NCOR1: variants seen among roughly 807,000 people sequenced by gnomAD.
NCOR1 encodes the protein nuclear receptor corepressor 1.
In NCOR1, 63 loss-of-function variants were observed where a neutral mutation model predicts 288.1. The observed-to-expected ratio is 0.22, with a 90% CI of 0.18 to 0.27. NCOR1 has a LOEUF of 0.27. Among genes scored for constraint, NCOR1 ranks in the 10% least tolerant of loss-of-function variants. NCOR1 has a pLI of 1.00. For missense variants in NCOR1, 2,397 were observed against 3,019.2 expected (o/e 0.79, Z 4.83); for synonymous variants, 1,007 against 1,065.9 (o/e 0.94, Z 1.08).
At chr17:16,188,366 C>T (rs946915449) in intron 2 of NCOR1, among the ~76,000 whole-genome samples, 2 of 152,164 alleles carry the variant, frequency 1.3e-5, no homozygotes, top group African/African-American at 4.8e-5. Context: ...AATCCCAGCA[C>T]TTTGGGAGGC....
At chr17:16,107,218 C>T (rs1482920321) in intron 19 of NCOR1, among the ~76,000 whole-genome samples, 4 of 151,902 alleles carry the variant, frequency 2.6e-5, no homozygotes, top group Admixed American at 6.6e-5. Flanking sequence ...TAATACCAGA[C>T]TTGGGCTTTG....
intron 19 of NCOR1, among the ~76,000 whole-genome samples, chr17:16,103,042 T>C (rs1299455714): frequency 6.6e-6 from 1 of 152,236 alleles, no homozygotes; most frequent in African/African-American, 2.4e-5. Flanking sequence ...ATCGTTTATA[T>C]TGTTCTATAA....
intron 27 of NCOR1, 86 bp downstream of exon 27, chr17:16,075,448 C>G: frequency 2.1e-6 from 3 of 1,439,154 alleles, no homozygotes; most frequent in African/African-American, 1.4e-5. Context: ...AACTGACTCC[C>G]AGAGAGCAGA....
rs2152816037 is a variant in NCOR1 at position 16,080,527 on chromosome 17, AAC to A, written c.3299-20_3299-19del. ...CAAAGTAGCTGTGGAAAGGCAGAGA[AAC>A]ATGAAACAATCCAGTACTAAATTAC... is the stretch of plus-strand genomic sequence containing the variant. On this transcript the variant is annotated intron_variant, in intron 24 of 45. Coordinates refer to ENST00000268712, the MANE Select transcript of NCOR1 (RefSeq NM_006311.4). 1 of 1,613,752 alleles carries A rather than the reference AAC, an allele frequency of 6.2e-7. No homozygotes were observed. The highest frequency in any genetic ancestry group is 8.5e-7 in the Non-Finnish European group (1 of 1,179,730).
intron 23 of NCOR1, among the ~76,000 whole-genome samples, chr17:16,084,649 T>G (rs1157159794): frequency 6.6e-6 from 1 of 152,144 alleles, no homozygotes; most frequent in Non-Finnish European, 1.5e-5. Flanking sequence ...ATGGAGACAG[T>G]GCAGAAACAG....
chr17:16,068,031 A>G lies in NCOR1; in HGVS notation c.4604T>C (p.Val1535Ala), dbSNP rs1195451675. 6.2e-7 allele frequency: 1 copy of G among 1,614,092 alleles called. No individual in the cohort carries two copies. The highest frequency in any genetic ancestry group is 2.2e-5 in the East Asian group (1 of 44,906). The change falls in exon 32 of 46, where the codon GTG becomes GCG. Residue 1535 changes from valine to alanine, a missense_variant. Coordinates refer to ENST00000268712, the MANE Select transcript of NCOR1 (RefSeq NM_006311.4). ...QRESIPAKSP[V>A]PGVDPVVSHS... ...GCTCACGACAGGGTCCACCCCAGGC[A>G]CTGGAGACTTCGCTGGGATACTTTC...
chr17:16,058,068 G>T lies in NCOR1; in HGVS notation c.6011-4C>A. 1 of 1,613,426 alleles carries T rather than the reference G, an allele frequency of 6.2e-7. No homozygotes were observed. Among genetic ancestry groups the T allele is most frequent in the South Asian group, 1.1e-5 (1 of 91,062 alleles). ...TCATATTGTCTGGTAGGATCATCTAGGAGAGAACACATAGATGTCTTACTC... is the reference window on the plus strand; with the variant it reads ...TCATATTGTCTGGTAGGATCATCTATGAGAGAACACATAGATGTCTTACTC... On this transcript the variant is annotated splice_region_variant and splice_polypyrimidine_tract_variant and intron_variant, in intron 38 of 45. Transcript: ENST00000268712.
Position 16,065,382 on chromosome 17 carries a change from T to C in NCOR1, c.4951+103A>G, listed in dbSNP as rs181200560. 163 of 1,283,930 alleles carry C rather than the reference T, an allele frequency of 1.3e-4. No individual in the cohort carries two copies. The African/African-American group carries it at 2.2e-3, about 17-fold the overall frequency. 79.5% of individuals were successfully genotyped at this position (1,283,930 alleles called of 1,614,324 possible). A position where few individuals can be genotyped will look rare whatever the true frequency, so the allele number is the denominator to read the frequency against. ...GAGGAAGGATATAGTATTCTTTTCTTTCTTTCTTTCCATCATTCATTCAAC... is the reference window on the plus strand; with the variant it reads ...GAGGAAGGATATAGTATTCTTTTCTCTCTTTCTTTCCATCATTCATTCAAC... On this transcript the variant is annotated intron_variant, in intron 33 of 45. Coordinates refer to ENST00000268712, the MANE Select transcript of NCOR1 (RefSeq NM_006311.4).
In NCOR1 at chr17:16,095,163, C is replaced by T. The variant is rs544295857; in HGVS notation, c.2821-3105G>A. Among the ~76,000 whole-genome samples the T allele has an allele frequency of 2.0e-5, 3 of 151,592 alleles. No homozygotes were observed. The South Asian group carries it at 6.3e-4, about 32-fold the overall frequency. ...GCCATCCCATCTAGGAAGTGAGGAA[C>T]GTCTCTGCCCGGCCGCCCATCGTCT... On this transcript the variant is annotated intron_variant, in intron 21 of 45. Coordinates refer to ENST00000268712, the MANE Select transcript of NCOR1 (RefSeq NM_006311.4).
intron 4 of NCOR1, among the ~76,000 whole-genome samples, chr17:16,166,531 T>C (rs1452496610): frequency 6.6e-6 from 1 of 151,804 alleles, no homozygotes; most frequent in Non-Finnish European, 1.5e-5. Context: ...AATACAAAAA[T>C]TAGCTGGGCG....
chr17:16,134,134 G>T (rs940252040), intron 14 of NCOR1, among the ~76,000 whole-genome samples: 2 of 152,108 alleles, frequency 1.3e-5, no homozygotes, highest in African/African-American at 4.8e-5. Context: ...AGCTCAAAAG[G>T]CCTTCAGTTT....
intron 22 of NCOR1, among the ~76,000 whole-genome samples, chr17:16,090,619 C>A (rs1598428803): frequency 2.0e-5 from 3 of 152,296 alleles, no homozygotes; most frequent in Admixed American, 2.0e-4. Context: ...TTTCTACCTT[C>A]ATTCAAGGAA....
chr17:16,068,471 C>T (rs1030864496), intron 31 of NCOR1: 1 of 237,474 alleles, frequency 4.2e-6, no homozygotes, highest in Admixed American at 5.3e-5. Context: ...TCTTTTGTCC[C>T]CACATGTAGT....
intron 14 of NCOR1, among the ~76,000 whole-genome samples, chr17:16,136,532 C>T (rs548451371): frequency 1.3e-5 from 2 of 152,176 alleles, no homozygotes; most frequent in South Asian, 2.1e-4. Flanking sequence ...CTAGGCTGGG[C>T]GCGGTGGCTC....
chr17:16,116,261 G>A (rs1568120473), intron 18 of NCOR1, among the ~76,000 whole-genome samples: 2 of 152,128 alleles, frequency 1.3e-5, no homozygotes, highest in Non-Finnish European at 2.9e-5. Context: ...AGACTTGGGT[G>A]GCAACAAAGC....
intron 1 of NCOR1, among the ~76,000 whole-genome samples, chr17:16,208,340 G>A (rs1442502765): frequency 1.3e-5 from 2 of 150,370 alleles, no homozygotes; most frequent in Non-Finnish European, 3.0e-5. Flanking sequence ...TTACAGGCGT[G>A]AGCCACCATG....
At chr17:16,144,719 C>T (rs1407622851) in intron 10 of NCOR1, among the ~76,000 whole-genome samples, 1 of 151,946 alleles carries the variant, frequency 6.6e-6, no homozygotes, top group African/African-American at 2.4e-5. Flanking sequence ...CTCTCCCTCT[C>T]CCTCTCTCTC....
rs2152815855 is a variant in NCOR1 at position 16,080,506 on chromosome 17, G to A, written c.3302C>T (p.Thr1101Ile). ...TTCTTCCTGCTTGATGTAGGGCAAA[G>A]TAGCTGTGGAAAGGCAGAGAAACAT... ...PRQQESAKSA[T>I]LPYIKQEEFS... Residue 1101 changes from threonine to isoleucine, a missense_variant, in exon 25 of 46, where the codon ACT (threonine) becomes ATT (isoleucine). Physicochemically the swap from Thr to Ile is moderately conservative, Grantham distance 89. Around this residue, in one of 11 missense-constraint regions of NCOR1, gnomAD observed 1,872 missense variants for 2,187.8 expected, o/e 0.86. Coordinates refer to ENST00000268712, the MANE Select transcript of NCOR1 (RefSeq NM_006311.4). 3 of 1,614,088 alleles carry A rather than the reference G, an allele frequency of 1.9e-6. No homozygotes were observed. Among genetic ancestry groups the A allele is most frequent in the Non-Finnish European group, 2.5e-6 (3 of 1,180,000 alleles).
At position 16,070,287 on chromosome 17, in the gene NCOR1, T is replaced by C. The variant is rs765012782; in HGVS notation, c.4391A>G (p.His1464Arg). 14 of 1,614,154 alleles carry C rather than the reference T, an allele frequency of 8.7e-6. No individual in the cohort carries two copies. The highest frequency in any genetic ancestry group is 1.1e-5 in the Non-Finnish European group (13 of 1,180,020). The change falls in exon 31 of 46, where the codon CAT (histidine) becomes CGT (arginine). Residue 1464 changes from histidine to arginine, a missense_variant. His to Arg is a conservative substitution (Grantham distance 29). Around this residue, in one of 11 missense-constraint regions of NCOR1, gnomAD observed 1,872 missense variants for 2,187.8 expected, o/e 0.86. Coordinates refer to ENST00000268712, the MANE Select transcript of NCOR1 (RefSeq NM_006311.4). ...SGPSVLRSTL[H>R]EAPKAQLSPG... Reference sequence around the variant, plus strand: ...GCTCAGTTGTGCTTTGGGAGCTTCATGCAGTGTGGACCTAAGAACGGAGGG... The same window carrying C: ...GCTCAGTTGTGCTTTGGGAGCTTCACGCAGTGTGGACCTAAGAACGGAGGG...
Sources: gnomAD v4.1 joint callset for allele counts (sites outside exome capture counted in the v4.1 genomes callset) on GRCh38, gnomAD v4.1.1 for gene constraint, gnomAD v4.1.1 regional missense constraint, MANE v1.5 for transcripts, NCBI Gene and HGNC (gene_info 2026-07-23, HGNC 2026-07-21) for gene names.